CLYBL: variants seen among roughly 807,000 people sequenced by gnomAD.
CLYBL encodes the protein citramalyl-CoA lyase.
Under a neutral mutation model 38.9 loss-of-function variants are expected in CLYBL, and 31 were observed. The ratio of observed to expected loss-of-function variants is 0.80; its 90% CI spans 0.60 to 1.08. CLYBL has a LOEUF of 1.08. CLYBL is among the 50% of genes least tolerant of loss of function. The pLI, the probability that CLYBL is intolerant of heterozygous loss-of-function variation, is 0.00. For synonymous variants in CLYBL, 171 were observed against 158.6 expected (o/e 1.08, Z -0.59); for missense variants, 434 against 411.6 (o/e 1.05, Z -0.47).
chr13:99,679,025 AG>A (rs1333478710), intron 1 of CLYBL, among the ~76,000 whole-genome samples: 1 of 152,120 alleles, frequency 6.6e-6, no homozygotes, highest in Non-Finnish European at 1.5e-5. Context: ...CCAGGCGTGG[AG>A]GCTCATGTCT....
chr13:99,895,619 C>G (rs568332480), downstream of CLYBL: 1 of 152,060 alleles, frequency 6.6e-6, no homozygotes, highest in Non-Finnish European at 1.5e-5. Flanking sequence ...GGCGAGCCCG[C>G]GCTTGGGACC....
chr13:99,781,315 C>T (rs957225252), intron 2 of CLYBL, among the ~76,000 whole-genome samples: 6 of 151,510 alleles, frequency 4.0e-5, no homozygotes, highest in African/African-American at 7.3e-5. Context: ...GGACTACAGG[C>T]GCCCACCACC....
intron 2 of CLYBL, among the ~76,000 whole-genome samples, chr13:99,774,516 CG>C (rs2049469354): frequency 6.6e-6 from 1 of 152,030 alleles, no homozygotes; most frequent in Non-Finnish European, 1.5e-5. Context: ...GGTCGTGGGG[CG>C]GGGGATGAGG....
chr13:99,641,587 G>T (rs1171152951), intron 1 of CLYBL, among the ~76,000 whole-genome samples: 1 of 151,782 alleles, frequency 6.6e-6, no homozygotes, highest in Non-Finnish European at 1.5e-5. Flanking sequence ...GGCGGATCAT[G>T]AGGTCAGGAG....
intron 1 of CLYBL, among the ~76,000 whole-genome samples, chr13:99,762,833 A>C (rs4411369): frequency 0.25 from 38,339 of 151,776 alleles, 6,362 homozygotes; most frequent in East Asian, 0.45. Context: ...GTGTCCTCCA[A>C]AATTTCTTTC....
At position 99,676,635 on chromosome 13, in the gene CLYBL, C is replaced by T. The variant is rs988853380; in HGVS notation, c.62+69878C>T. Among the ~76,000 whole-genome samples, 59 of 150,912 alleles carry T rather than the reference C, an allele frequency of 3.9e-4. 1 individual carries two copies. The highest frequency in any genetic ancestry group is 4.9e-5 in the African/African-American group (2 of 40,930). ...TGAGGTGGAGTTTTGCTCTTGTTGC[C>T]CAGGCTGGAGTGCAATGGCACAATC... is the stretch of plus-strand genomic sequence containing the variant. On this transcript the variant is annotated intron_variant, in intron 1 of 8. Transcript: ENST00000339105.
rs541038022 is a variant in CLYBL, at chr13:99,871,014, G to C, written c.879G>C (p.Trp293Cys). ...QFSPSPEKIK[W>C]AEELIAAFKE... The stretch of plus-strand genomic sequence containing the variant: ...CTCCTTCCCCTGAAAAAATTAAGTG[G>C]GCTGAAGAACTGATTGCTGCCTTTA... The change falls in exon 7 of 9, where the codon TGG (tryptophan) becomes TGC (cysteine). Residue 293 changes from tryptophan to cysteine, a missense_variant. Trp to Cys is a radical substitution (Grantham distance 215). Coordinates refer to ENST00000339105, the MANE Select transcript of CLYBL (RefSeq NM_206808.5). The C allele has an allele frequency of 1.9e-6, 3 of 1,613,818 alleles. No individual in the cohort carries two copies. In the East Asian group the frequency reaches 6.7e-5, roughly 36 times the overall value.
At chr13:99,771,020 CTTTTTTTTTTTTTTTTTTT>C (rs546998940) in intron 1 of CLYBL, among the ~76,000 whole-genome samples, 16 of 120,228 alleles carry the variant, frequency 1.3e-4, no homozygotes, top group East Asian at 2.6e-4. Flanking sequence ...ACGCGGGGCC[CTTTTTTTTTTTTTTTTTTT>C]TTTTTTTTTT....
At chr13:99,757,912 C>T (rs1444163342) in intron 1 of CLYBL, among the ~76,000 whole-genome samples, 1 of 152,290 alleles carries the variant, frequency 6.6e-6, no homozygotes, top group East Asian at 1.9e-4. Flanking sequence ...AACCTGGAGA[C>T]ATTTATGTGA....
intron 1 of CLYBL, among the ~76,000 whole-genome samples, chr13:99,731,082 C>CAAA (rs764705741): frequency 0.014 from 804 of 57,008 alleles, 26 homozygotes; most frequent in African/African-American, 0.058. Flanking sequence ...GACTCTGTTT[C>CAAA]AAAAAAAAAA....
chr13:99,754,235 C>A (rs1405908877), intron 1 of CLYBL, among the ~76,000 whole-genome samples: 25 of 151,146 alleles, frequency 1.7e-4, no homozygotes, highest in Non-Finnish European at 1.5e-5. Flanking sequence ...CATGGAGAAA[C>A]CCCATTTCTA....
At chr13:99,668,182 G>A (rs1309666039) in intron 1 of CLYBL, among the ~76,000 whole-genome samples, 1 of 152,130 alleles carries the variant, frequency 6.6e-6, no homozygotes, top group Non-Finnish European at 1.5e-5. Flanking sequence ...GCTGGGGTGG[G>A]AGGATCGTTT....
In CLYBL at chr13:99,858,900, A is replaced by G. The variant is rs1445916268; in HGVS notation, c.289A>G (p.Ile97Val). The G allele has an allele frequency of 4.3e-6, 7 of 1,612,000 alleles. No individual in the cohort carries two copies. The South Asian group carries it at 6.6e-5, about 15-fold the overall frequency. The change falls in exon 3 of 9, where the codon ATT becomes GTT. Residue 97 changes from isoleucine (I) to valine (V), a missense_variant. By Grantham distance (29) the Ile-to-Val change is conservative. Transcript: ENST00000339105. ...GAGAATTGTAAAAACTCTTGAAGAC[A>G]TTGATCTGGGCCCTACTGAAAAATG... is the stretch of plus-strand genomic sequence containing the variant. ...RLRIVKTLED[I>V]DLGPTEKCVR...
chr13:99,636,405 G>A (rs1566594993), intron 1 of CLYBL, among the ~76,000 whole-genome samples: 4 of 152,218 alleles, frequency 2.6e-5, no homozygotes, highest in Admixed American at 1.3e-4. Context: ...TGAAAACAGA[G>A]GTGGGACCTG....
intron 2 of CLYBL, among the ~76,000 whole-genome samples, chr13:99,830,478 C>G (rs960045347): frequency 1.3e-5 from 2 of 152,204 alleles, no homozygotes; most frequent in Non-Finnish European, 2.9e-5. Context: ...CTTGGAGACA[C>G]TGGAGCAGTG....
chr13:99,842,488 T>C (rs2051106681), intron 2 of CLYBL, among the ~76,000 whole-genome samples: 2 of 152,142 alleles, frequency 1.3e-5, no homozygotes, highest in African/African-American at 2.4e-5. Flanking sequence ...CCTCTAGGAC[T>C]CTCTCCTGGT....
chr13:99,852,536 C>A (rs1199760323), intron 2 of CLYBL, among the ~76,000 whole-genome samples: 1 of 152,148 alleles, frequency 6.6e-6, no homozygotes, highest in East Asian at 1.9e-4. Flanking sequence ...AAATCACAAA[C>A]CTAAAAATAA....
At chr13:99,684,081 C>T (rs1165856778) in intron 1 of CLYBL, among the ~76,000 whole-genome samples, 1 of 140,940 alleles carries the variant, frequency 7.1e-6, no homozygotes, top group African/African-American at 2.7e-5. Flanking sequence ...GACGTTTCAC[C>T]ATGTTGACCA....
intron 1 of CLYBL, among the ~76,000 whole-genome samples, chr13:99,626,968 A>G (rs968612269): frequency 2.7e-5 from 4 of 150,398 alleles, no homozygotes; most frequent in East Asian, 1.9e-4. Flanking sequence ...TGACTCATCT[A>G]GTACCGGCGC....
Sources: gnomAD v4.1 joint callset for allele counts (sites outside exome capture counted in the v4.1 genomes callset) on GRCh38, gnomAD v4.1.1 for gene constraint, MANE v1.5 for transcripts, NCBI Gene and HGNC (gene_info 2026-07-23, HGNC 2026-07-21) for gene names.